SRP68: variants seen among roughly 807,000 people sequenced by gnomAD.
The protein encoded by SRP68 is signal recognition particle 68, also known as signal recognition particle subunit SRP68.
In SRP68, 15 loss-of-function variants were observed where a neutral mutation model predicts 82.2. The observed-to-expected ratio is 0.18, with a 90% CI of 0.12 to 0.28. The LOEUF (loss-of-function observed/expected upper bound fraction) is 0.28. SRP68 is among the 10% of genes least tolerant of loss of function. The pLI, the probability that SRP68 is intolerant of heterozygous loss-of-function variation, is 1.00. For missense variants in SRP68, 595 were observed against 780.5 expected (o/e 0.76, Z 2.83); for synonymous variants, 261 against 292.6 (o/e 0.89, Z 1.10).
chr17:76,047,322 C>T (rs1219369159), intron 10 of SRP68, among the ~76,000 whole-genome samples: 1 of 152,108 alleles, frequency 6.6e-6, no homozygotes, highest in Non-Finnish European at 1.5e-5. Flanking sequence ...TTTGCCTCAG[C>T]CTCCCAAAGT....
In SRP68 at chr17:76,064,005, C is replaced by T. The variant is rs1055404586; in HGVS notation, c.532G>A (p.Val178Met). The stretch of plus-strand genomic sequence containing the variant: ...GCCTCTAATTTGGTCTTGGCATCCA[C>T]GCGATTGCTCTCACACAAGCGTTCC... ...ELERLCESNR[V>M]DAKTKLEAQA... The change falls in exon 4 of 16, where the codon GTG becomes ATG. Residue 178 changes from valine (V) to methionine (M), a missense_variant. By Grantham distance (21) the Val-to-Met change is conservative. This residue lies in a region of SRP68 where 495 missense variants were observed against 688.6 expected (regional missense o/e 0.72). Transcript: ENST00000307877. 3.7e-6 allele frequency: 6 copies of T among 1,613,978 alleles called. No homozygotes were observed. The highest frequency in any genetic ancestry group is 1.3e-5 in the African/African-American group (1 of 74,940).
At chr17:76,054,611 G>T (rs2079561475) in intron 8 of SRP68, among the ~76,000 whole-genome samples, 1 of 152,110 alleles carries the variant, frequency 6.6e-6, no homozygotes, top group East Asian at 1.9e-4. Flanking sequence ...CAGCACTTTG[G>T]GAGGCCGAGG....
Position 76,061,533 on chromosome 17 carries a change from A to C in SRP68, c.603T>G (p.His201Gln), listed in dbSNP as rs1486635307. 1.2e-6 allele frequency: 2 copies of C among 1,614,042 alleles called. No homozygotes were observed. Among genetic ancestry groups the C allele is most frequent in the Admixed American group, 3.3e-5 (2 of 60,030 alleles). ...CCTCAATGGCAGCTTTCCATTCTTGATGTTCAAAACGTAGCATTCCTGAGA... is the reference window on the plus strand; with the variant it reads ...CCTCAATGGCAGCTTTCCATTCTTGCTGTTCAAAACGTAGCATTCCTGAGA... ...AYLSGMLRFEHQEWKAAIEAF... is the reference protein window; with the variant it reads ...AYLSGMLRFEQQEWKAAIEAF... Residue 201 changes from histidine to glutamine, a missense_variant, in exon 5 of 16, where the codon CAT becomes CAG. Physicochemically the swap from His to Gln is conservative, Grantham distance 24. Coordinates refer to ENST00000307877, the MANE Select transcript of SRP68 (RefSeq NM_014230.4).
Position 76,072,442 on chromosome 17 carries a change from C to T in SRP68, c.50G>A (p.Gly17Asp). The T allele has an allele frequency of 6.3e-7, 1 of 1,583,216 alleles. No homozygotes were observed. Among genetic ancestry groups the T allele is most frequent in the Non-Finnish European group, 8.6e-7 (1 of 1,167,222 alleles). The change falls in exon 1 of 16, where the codon GGC becomes GAC. Residue 17 changes from glycine (G) to aspartate (D), a missense_variant. Gly to Asp is a moderately conservative substitution (Grantham distance 94). This residue lies in a region of SRP68 where 100 missense variants were observed against 91.9 expected (regional missense o/e 1.09). Transcript: ENST00000307877. This position sits in a 1 kb window ranked among gnomAD's most constrained non-coding sequence, Gnocchi z 4.5. ...VPGGGGGGGS[G>D]GGGGSGGGGS... ...GCCGCCGCCACTGCCACCGCCGCCG[C>T]CACTGCCGCCGCCGCCGCCGCCGCC...
intron 3 of SRP68, among the ~76,000 whole-genome samples, chr17:76,065,626 C>T (rs1567936567): frequency 6.6e-6 from 1 of 152,022 alleles, no homozygotes; most frequent in Non-Finnish European, 1.5e-5. Context: ...TTTACAGTTC[C>T]TAGACTGCAT....
In SRP68 at chr17:76,062,482, G is replaced by GGA. The variant is rs1218662425; in HGVS notation, c.562-910_562-909dup. ...AACAAAAAACCCAAACAAAGAATATGGAGATATATATATATAATATATATA... is the reference window on the plus strand; with the variant it reads ...AACAAAAAACCCAAACAAAGAATATGGAGAGATATATATATATAATATATATA... On this transcript the variant is annotated intron_variant, in intron 4 of 15. Transcript: ENST00000307877. 3.5e-3 allele frequency among the ~76,000 whole-genome samples: 335 copies of GGA among 95,982 alleles called. 7 individuals carry two copies. The highest frequency in any genetic ancestry group is 0.024 in the Middle Eastern group (3 of 124). 63.0% of individuals were successfully genotyped at this position (95,982 alleles called of 152,430 possible).
At chr17:76,053,630 T>A in intron 8 of SRP68, 2 of 985,164 alleles carry the variant, frequency 2.0e-6, no homozygotes, top group Non-Finnish European at 2.4e-6. Context: ...TTTACAAACA[T>A]CCTAAAAAGC....
chr17:76,062,876 T>G (rs1200344924), intron 4 of SRP68, among the ~76,000 whole-genome samples: 1 of 145,566 alleles, frequency 6.9e-6, no homozygotes, highest in Non-Finnish European at 1.5e-5. Context: ...GTTCACACCA[T>G]TCTCCTGCCT....
Position 76,071,882 on chromosome 17 carries a change from A to G in SRP68, c.184+426T>C, listed in dbSNP as rs1334092102. On this transcript the variant is annotated intron_variant, in intron 1 of 15. Coordinates refer to ENST00000307877, the MANE Select transcript of SRP68 (RefSeq NM_014230.4). The surrounding 1 kb of genome is among the most constrained non-coding windows in gnomAD (Gnocchi z 4.7). Reference sequence around the variant, plus strand: ...CAATCTTTACCTCCACTTTCAAAGTATCGAGCTGTAGGTTTTACTACTCAG... The same window carrying G: ...CAATCTTTACCTCCACTTTCAAAGTGTCGAGCTGTAGGTTTTACTACTCAG... 1 of 196,324 alleles carries G rather than the reference A, an allele frequency of 5.1e-6. No homozygotes were observed. Among genetic ancestry groups the G allele is most frequent in the Non-Finnish European group, 1.0e-5 (1 of 98,484 alleles). The allele number at this position is 196,324 out of a possible 1,614,324, so 12.2% of individuals were successfully genotyped here.
intron 8 of SRP68, chr17:76,053,708 C>G: frequency 1.1e-6 from 1 of 914,824 alleles, no homozygotes; most frequent in Non-Finnish European, 1.3e-6. Context: ...GACGCCCACA[C>G]TGCAATGACT....
chr17:76,070,349 T>C, intron 2 of SRP68, 29 bp downstream of exon 2: 1 of 1,593,884 alleles, frequency 6.3e-7, no homozygotes, highest in Non-Finnish European at 8.6e-7. Flanking sequence ...CCCACAATGA[T>C]TTCCAAACAT....
At chr17:76,062,060 G>A (rs2066756361) in intron 4 of SRP68, among the ~76,000 whole-genome samples, 1 of 152,002 alleles carries the variant, frequency 6.6e-6, no homozygotes, top group African/African-American at 2.4e-5. Context: ...CGAGGTGAAC[G>A]GATCACCTGA....
chr17:76,062,743 A>ATTTTT (rs1820588583), intron 4 of SRP68, among the ~76,000 whole-genome samples: 1 of 68,902 alleles, frequency 1.5e-5, no homozygotes, highest in African/African-American at 8.4e-5. Flanking sequence ...ATATATATAT[A>ATTTTT]TATATATATA....
chr17:76,056,821 T>A (rs2066716822), intron 8 of SRP68, among the ~76,000 whole-genome samples: 1 of 152,194 alleles, frequency 6.6e-6, no homozygotes, highest in African/African-American at 2.4e-5. Context: ...CTCTAAAAAG[T>A]GCCCCCATCA....
chr17:76,041,142 G>C (rs1453258590), intron 13 of SRP68, 164 bp from the exon 14 acceptor site: 2 of 509,832 alleles, frequency 3.9e-6, no homozygotes, highest in Non-Finnish European at 7.0e-6. Flanking sequence ...ACACTAGCCT[G>C]TTTCAAATGG....
At chr17:76,058,424 G>GA (rs1318708200) in intron 7 of SRP68, among the ~76,000 whole-genome samples, 2 of 151,874 alleles carry the variant, frequency 1.3e-5, no homozygotes, top group Non-Finnish European at 2.9e-5. Context: ...CCCAGCCTCT[G>GA]AAAAAAATTT....
chr17:76,061,353 T>G, intron 5 of SRP68, 134 bp from the exon 6 acceptor site: 1 of 969,618 alleles, frequency 1.0e-6, no homozygotes, highest in East Asian at 2.5e-5. Flanking sequence ...GTTCTAAGGT[T>G]GAAAGAGAAT....
rs531950142 is a variant in SRP68 at position 76,061,229 on chromosome 17, A to G, written c.645-10T>C. The G allele has an allele frequency of 1.3e-6, 2 of 1,583,858 alleles. No homozygotes were observed. Among genetic ancestry groups the G allele is most frequent in the African/African-American group, 2.7e-5 (2 of 74,186 alleles). On this transcript the variant is annotated splice_polypyrimidine_tract_variant and intron_variant, in intron 5 of 15. Transcript: ENST00000307877. ...CTTCTCATAGATAGTTCTGCGAGAA[A>G]AGAAAAGCCAGGTTTTACATCAGCC... is the stretch of plus-strand genomic sequence containing the variant.
At position 76,045,281 on chromosome 17, in the gene SRP68, T is replaced by A. The variant is rs375477150; in HGVS notation, c.1394+11A>T. On this transcript the variant is annotated intron_variant, in intron 12 of 15. Transcript: ENST00000307877. ...AGGCGGAGGAAAACTGCCCATCCCATGGGACGTTACCTGTAAGCTTTGAAC... is the reference window on the plus strand; with the variant it reads ...AGGCGGAGGAAAACTGCCCATCCCAAGGGACGTTACCTGTAAGCTTTGAAC... The A allele has an allele frequency of 8.7e-6, 14 of 1,610,448 alleles. 1 individual carries two copies. In the South Asian group the frequency reaches 1.4e-4, roughly 16 times the overall value.
Sources: gnomAD v4.1 joint callset for allele counts (sites outside exome capture counted in the v4.1 genomes callset) on GRCh38, gnomAD v4.1.1 for gene constraint, gnomAD v4.1.1 regional missense constraint, Gnocchi (gnomAD v3.1) non-coding constraint, MANE v1.5 for transcripts, NCBI Gene and HGNC (gene_info 2026-07-23, HGNC 2026-07-21) for gene names.